PDE4D: variants seen among roughly 807,000 people sequenced by gnomAD.
PDE4D encodes phosphodiesterase 4D.
In PDE4D, 24 loss-of-function variants were observed where a neutral mutation model predicts 87.4. That is an observed-to-expected ratio of 0.27 (90% CI 0.20 to 0.39). The LOEUF is 0.39. Among genes scored for constraint, PDE4D ranks in the 10% least tolerant of loss-of-function variants. The pLI is 1.00. For missense variants in PDE4D, 714 were observed against 1,041.0 expected, an observed-to-expected ratio of 0.69 and a Z score of 4.32; for synonymous variants, 384 against 383.2, an observed-to-expected ratio of 1.00 and a Z score of -0.02.
intron 1 of PDE4D, among the ~76,000 whole-genome samples, chr5:59,726,035 G>C (rs188759646): frequency 1.4e-3 from 210 of 152,200 alleles, no homozygotes; most frequent in African/African-American, 4.8e-3. Flanking sequence ...GTCTGGCACT[G>C]AGAAGGGTTA....
chr5:60,425,463 G>A (rs971368410), intron 1 of PDE4D, among the ~76,000 whole-genome samples: 2 of 152,134 alleles, frequency 1.3e-5, no homozygotes, highest in African/African-American at 4.8e-5. Context: ...ATGGTGCTGG[G>A]AAAACTGGCT....
At chr5:59,327,104 G>A (rs1334662478) in intron 1 of PDE4D, among the ~76,000 whole-genome samples, 2 of 142,668 alleles carry the variant, frequency 1.4e-5, no homozygotes, top group Non-Finnish European at 1.5e-5. Flanking sequence ...TTATTCTGCT[G>A]TCTCATATGT....
chr5:59,878,376 C>T (rs1037851763), intron 1 of PDE4D, among the ~76,000 whole-genome samples: 2 of 152,204 alleles, frequency 1.3e-5, no homozygotes, highest in African/African-American at 4.8e-5. Context: ...TTCCCCCACT[C>T]AAACAAGCTA....
chr5:59,473,313 C>T (rs906368552), intron 1 of PDE4D, among the ~76,000 whole-genome samples: 4 of 151,840 alleles, frequency 2.6e-5, no homozygotes, highest in African/African-American at 9.7e-5. Context: ...TTCGAGTGGC[C>T]AGAATAGAGA....
chr5:59,585,364 C>G (rs538289267), intron 1 of PDE4D, among the ~76,000 whole-genome samples: 40 of 152,240 alleles, frequency 2.6e-4, no homozygotes, highest in Middle Eastern at 6.8e-3. Flanking sequence ...GAAAGCCCTC[C>G]GAAACCTATA....
intron 1 of PDE4D, among the ~76,000 whole-genome samples, chr5:59,216,980 C>A (rs770436721): frequency 2.6e-5 from 4 of 152,102 alleles, no homozygotes; most frequent in African/African-American, 9.7e-5. Flanking sequence ...GGAGACTCAG[C>A]GTATTCTTGG....
At position 60,218,220 on chromosome 5, in the gene PDE4D, C is replaced by A. The variant is rs1316565773; in HGVS notation, c.-89-32533G>T. On this transcript the variant is annotated intron_variant, in intron 1 of 16. Transcript: ENST00000502484. ...TTATTATACCATAGGCAAGAATACA[C>A]ATGAATCTCACAAACACAATATTGA... Among the ~76,000 whole-genome samples, 5 of 151,974 alleles carry A rather than the reference C, an allele frequency of 3.3e-5. No individual in the cohort carries two copies. In the South Asian group the frequency reaches 1.0e-3, roughly 32 times the overall value.
At chr5:59,705,066 T>A (rs145089781) in intron 1 of PDE4D, among the ~76,000 whole-genome samples, 4 of 152,320 alleles carry the variant, frequency 2.6e-5, no homozygotes, top group African/African-American at 9.6e-5. Context: ...AACTGTTCCA[T>A]GTCTAGCAAT....
At chr5:59,095,734 C>A (rs1769584854) in intron 5 of PDE4D, among the ~76,000 whole-genome samples, 1 of 152,110 alleles carries the variant, frequency 6.6e-6, no homozygotes, top group Non-Finnish European at 1.5e-5. Flanking sequence ...TATGCTTTCC[C>A]CTCCTAATTC....
At chr5:60,187,021 C>CAG (rs1357338567) in intron 1 of PDE4D, among the ~76,000 whole-genome samples, 2 of 152,116 alleles carry the variant, frequency 1.3e-5, no homozygotes. Flanking sequence ...GAGGTAGAAA[C>CAG]AGAGAAGTAA....
At chr5:59,200,684 CATACATATGTGTATGTATAG>C (rs1747079093) in intron 2 of PDE4D, among the ~76,000 whole-genome samples, 1 of 96,806 alleles carries the variant, frequency 1.0e-5, no homozygotes, top group South Asian at 3.1e-4. Context: ...TACACGTATA[CATACATATGTGTATGTATAG>C]ATACACGTAT....
At chr5:60,333,650 AT>A (rs1757495031) in intron 1 of PDE4D, among the ~76,000 whole-genome samples, 1 of 152,216 alleles carries the variant, frequency 6.6e-6, no homozygotes, top group Non-Finnish European at 1.5e-5. Flanking sequence ...TTTCTGCTAC[AT>A]TTAAACCTGT....
intron 1 of PDE4D, among the ~76,000 whole-genome samples, chr5:59,610,174 G>A (rs1828802166): frequency 6.6e-6 from 1 of 152,148 alleles, no homozygotes; most frequent in Admixed American, 6.6e-5. Context: ...GTGACATCCT[G>A]GGCAGATCCA....
Position 59,611,613 on chromosome 5 carries a change from G to T in PDE4D, c.455+281555C>A, listed in dbSNP as rs769417154. Among the ~76,000 whole-genome samples the T allele has an allele frequency of 4.2e-4, 64 of 152,118 alleles. 1 individual carries two copies. Among genetic ancestry groups the T allele is most frequent in the Non-Finnish European group, 8.2e-4 (56 of 68,024 alleles). On this transcript the variant is annotated intron_variant, in intron 1 of 14. Transcript: ENST00000340635. ...TGGTCACTGTTACACAATCTCCCTA[G>T]CACAGTGCCTGGTACACAGTAAATG...
At chr5:60,073,650 C>T (rs1772977060) in intron 2 of PDE4D, among the ~76,000 whole-genome samples, 1 of 151,808 alleles carries the variant, frequency 6.6e-6, no homozygotes, top group South Asian at 2.1e-4. Context: ...TGGTCCTGGA[C>T]TTCTTTTGTT....
intron 5 of PDE4D, among the ~76,000 whole-genome samples, chr5:59,057,553 C>T (rs1410702397): frequency 6.6e-6 from 1 of 152,176 alleles, no homozygotes; most frequent in Non-Finnish European, 1.5e-5. Context: ...TCTTTCCCAG[C>T]TCACACTGAA....
chr5:59,824,827 AG>A (rs1770130145), intron 1 of PDE4D, among the ~76,000 whole-genome samples: 1 of 152,172 alleles, frequency 6.6e-6, no homozygotes, highest in South Asian at 2.1e-4. Context: ...TACAATGAGA[AG>A]CAGATCTCCT....
rs1258096924 is a variant in PDE4D, at chr5:60,073,912, C to T, written c.43-85195G>A. On this transcript the variant is annotated intron_variant, in intron 2 of 16. Coordinates refer to the PDE4D transcript ENST00000502484. ...TTAAAATTGTGTTTATTTGGATCTT[C>T]TCTCTTCTTCTTTATTAGTCTAGCT... Among the ~76,000 whole-genome samples the T allele has an allele frequency of 2.6e-5, 4 of 151,892 alleles. No homozygotes were observed. The East Asian group carries it at 5.8e-4, about 22-fold the overall frequency.
At chr5:59,002,802 C>A (rs1193721920) in intron 6 of PDE4D, among the ~76,000 whole-genome samples, 5 of 152,252 alleles carry the variant, frequency 3.3e-5, no homozygotes, top group African/African-American at 9.6e-5. Flanking sequence ...AAAATACATT[C>A]ATATTTCAAA....
Sources: allele counts gnomAD v4.1 joint callset (sites outside exome capture counted in the v4.1 genomes callset), GRCh38; gene constraint gnomAD v4.1.1; transcripts MANE v1.5; gene names NCBI Gene and HGNC (gene_info 2026-07-23, HGNC 2026-07-21).